RNPS1: variants seen among roughly 807,000 people sequenced by gnomAD.
RNPS1 encodes the protein RNA-binding protein with serine-rich domain 1.
For synonymous variants in RNPS1, 147 were observed against 150.0 expected (o/e 0.98, Z 0.15); for missense variants, 300 against 427.6 (o/e 0.70, Z 2.63).
At chr16:2,266,714 A>G in intron 1 of RNPS1, 1 of 985,452 alleles carries the variant, frequency 1.0e-6, no homozygotes, top group Non-Finnish European at 1.2e-6. Context: ...AGCACTGTCC[A>G]ATAGAAACCG....
intron 6 of RNPS1, chr16:2,257,950 TCA>T (rs1233736547): frequency 6.6e-6 from 1 of 152,238 alleles, no homozygotes; most frequent in Non-Finnish European, 1.5e-5. Flanking sequence ...GCCAGCGGCC[TCA>T]GTCACAGCAG....
intron 6 of RNPS1, 155 bp downstream of exon 6, chr16:2,262,123 G>C (rs1237752711): frequency 1.6e-6 from 1 of 640,218 alleles, no homozygotes; most frequent in Non-Finnish European, 2.6e-6. Flanking sequence ...CCAAACCTCA[G>C]TTTGGTCCAG....
intron 1 of RNPS1, chr16:2,267,628 G>A: frequency 5.6e-6 from 6 of 1,073,284 alleles, no homozygotes; most frequent in Non-Finnish European, 6.8e-6. Flanking sequence ...GGCCCGACAC[G>A]CCGACCTCGC....
chr16:2,257,846 C>G (rs2093585478), intron 6 of RNPS1: 1 of 152,254 alleles, frequency 6.6e-6, no homozygotes, highest in Non-Finnish European at 1.5e-5. Flanking sequence ...CAGTTTGTAA[C>G]AGGGCCTCGG....
chr16:2,254,099 A>T, intron 7 of RNPS1, 36 bp from the exon 8 acceptor site: 9 of 1,388,848 alleles, frequency 6.5e-6, no homozygotes, highest in Non-Finnish European at 8.6e-6. Flanking sequence ...AGAGTAGCTC[A>T]GGCTGTAGGG....
chr16:2,263,365 TCC>T, intron 3 of RNPS1, 78 bp from the exon 4 acceptor site: 1 of 1,455,226 alleles, frequency 6.9e-7, no homozygotes, highest in Non-Finnish European at 9.5e-7. Flanking sequence ...TCTGTTGTGC[TCC>T]CCCCAGGAGA....
Position 2,262,730 on chromosome 16 carries a change from T to C in RNPS1, c.522+10A>G, listed in dbSNP as rs750229187. ...CCCCACTGCCCACAGGAGAGATCCATGATCCTCACCTTTGTCACATTCCGG... is the reference window on the plus strand; with the variant it reads ...CCCCACTGCCCACAGGAGAGATCCACGATCCTCACCTTTGTCACATTCCGG... On this transcript the variant is annotated intron_variant, in intron 5 of 7. Transcript: ENST00000320225. 8 of 1,609,760 alleles carry C rather than the reference T, an allele frequency of 5.0e-6. No homozygotes were observed. The South Asian group carries it at 6.6e-5, about 13-fold the overall frequency.
chr16:2,264,487 A>C (rs758058376), intron 2 of RNPS1, 86 bp downstream of exon 2: 1 of 1,524,534 alleles, frequency 6.6e-7, no homozygotes, highest in Non-Finnish European at 9.1e-7. Flanking sequence ...TGTAGAATGC[A>C]GAACATTCTC....
rs770496844 is a variant in RNPS1, at chr16:2,259,359, TTA to T, written c.676+2917_676+2918del. Among the ~76,000 whole-genome samples, 301 of 152,340 alleles carry T rather than the reference TTA, an allele frequency of 2.0e-3. 1 individual carries two copies. The highest frequency in any genetic ancestry group is 3.0e-3 in the Non-Finnish European group (204 of 68,022). ...ACATGATCAGTAATAATTATAATTG[TTA>T]TGTTAAATTATTGTGTGCCACAGAG... On this transcript the variant is annotated intron_variant, in intron 6 of 7. Transcript: ENST00000320225.
At chr16:2,254,564 TGGGATTA>T (rs2093568448) in intron 7 of RNPS1, among the ~76,000 whole-genome samples, 1 of 151,532 alleles carries the variant, frequency 6.6e-6, no homozygotes, top group East Asian at 2.0e-4. Flanking sequence ...CCCAAAGTGC[TGGGATTA>T]CAGGCGTGAG....
chr16:2,262,465 C>G, intron 5 of RNPS1, 34 bp from the exon 6 acceptor site: 4 of 1,612,358 alleles, frequency 2.5e-6, no homozygotes, highest in Non-Finnish European at 3.4e-6. Flanking sequence ...CAACGCCCAG[C>G]TACCAGTCAG....
At position 2,253,786 on chromosome 16, in the gene RNPS1, C is replaced by T. The variant is rs1253940052; in HGVS notation, c.*178G>A. ...GGGAATCTTGACAGGCACACAGCAT[C>T]CAAACCAACAGCACTTCTGCAGCCG... On this transcript the variant is annotated 3_prime_UTR_variant, in exon 8 of 8. Transcript: ENST00000320225. 3 of 712,870 alleles carry T rather than the reference C, an allele frequency of 4.2e-6. No individual in the cohort carries two copies. The highest frequency in any genetic ancestry group is 7.7e-6 in the Non-Finnish European group (3 of 388,218). The allele number at this position is 712,870 out of a possible 1,614,324, so 44.2% of individuals were successfully genotyped here. A position where few individuals can be genotyped will look rare whatever the true frequency, so the allele number is the denominator to read the frequency against.
Position 2,258,544 on chromosome 16 carries a change from G to A in RNPS1, c.677-2818C>T, listed in dbSNP as rs966101508. ...GTTTGAGACAGGCCTGGCCAACATGGTGAAACCCCATCTCTACTAAAAACA... is the reference window on the plus strand; with the variant it reads ...GTTTGAGACAGGCCTGGCCAACATGATGAAACCCCATCTCTACTAAAAACA... On this transcript the variant is annotated intron_variant, in intron 6 of 7. Transcript: ENST00000320225. 3.9e-5 allele frequency: 6 copies of A among 152,244 alleles called. No homozygotes were observed. In the South Asian group the frequency reaches 6.2e-4, roughly 16 times the overall value. 9.4% of individuals were successfully genotyped at this position (152,244 alleles called of 1,614,324 possible).
chr16:2,262,539 T>C, intron 5 of RNPS1, 108 bp from the exon 6 acceptor site: 1 of 1,188,840 alleles, frequency 8.4e-7, no homozygotes. Flanking sequence ...AAACATTCCA[T>C]CTGATGAGTA....
intron 1 of RNPS1, chr16:2,266,501 C>T (rs1490486232): frequency 1.1e-6 from 1 of 950,610 alleles, no homozygotes; most frequent in Non-Finnish European, 1.3e-6. Flanking sequence ...TCAAGTTTCT[C>T]ATCATCAATA....
At chr16:2,257,233 G>C (rs1213215412) in intron 6 of RNPS1, 1 of 152,190 alleles carries the variant, frequency 6.6e-6, no homozygotes, top group Non-Finnish European at 1.5e-5. Context: ...GGGGATACTG[G>C]GAGCCCAAGC....
chr16:2,263,028 T>G, intron 4 of RNPS1, 68 bp downstream of exon 4: 1 of 1,520,136 alleles, frequency 6.6e-7, no homozygotes, highest in South Asian at 1.2e-5. Flanking sequence ...GGGTCCCTTT[T>G]ATAACCTCGA....
At chr16:2,261,990 T>G (rs929164396) in intron 6 of RNPS1, among the ~76,000 whole-genome samples, 2 of 152,174 alleles carry the variant, frequency 1.3e-5, no homozygotes, top group Admixed American at 1.3e-4. Flanking sequence ...CTGAAAAACT[T>G]TGTAATTTTA....
intron 1 of RNPS1, 145 bp from the exon 2 acceptor site, chr16:2,264,905 C>T (rs760612873): frequency 3.2e-5 from 17 of 535,236 alleles, no homozygotes; most frequent in Non-Finnish European, 4.9e-5. Context: ...CACATAGGGA[C>T]AGTCCCCATG....
Sources: gnomAD v4.1 joint callset for allele counts (sites outside exome capture counted in the v4.1 genomes callset) on GRCh38, gnomAD v4.1.1 for gene constraint, MANE v1.5 for transcripts, NCBI Gene and HGNC (gene_info 2026-07-23, HGNC 2026-07-21) for gene names.